The following EFCAB5 variants were observed in gnomAD, a reference collection of about 807,000 sequenced individuals.
EFCAB5 encodes EF-hand calcium binding domain 5.
Under a neutral mutation model 167.9 loss-of-function variants are expected in EFCAB5, and 131 were observed. The ratio of observed to expected loss-of-function variants is 0.78; its 90% confidence interval spans 0.68 to 0.90. The LOEUF (loss-of-function observed/expected upper bound fraction) is 0.90. EFCAB5 is among the 40% of genes least tolerant of loss of function. The pLI, the probability that EFCAB5 is intolerant of heterozygous loss-of-function variation, is 0.00. For missense variants in EFCAB5, 1,663 were observed against 1,745.2 expected, an observed-to-expected ratio of 0.95 and a Z score of 0.84; for synonymous variants, 574 against 602.8, an observed-to-expected ratio of 0.95 and a Z score of 0.70.
At chr17:29,975,767 G>C (rs1214448915) in intron 4 of EFCAB5, among the ~76,000 whole-genome samples, 1 of 152,108 alleles carries the variant, frequency 6.6e-6, no homozygotes, top group Non-Finnish European at 1.5e-5. Context: ...CTAAGATCAT[G>C]GTTGTCTATC....
intron 3 of EFCAB5, among the ~76,000 whole-genome samples, chr17:29,952,266 C>A (rs909571642): frequency 6.6e-6 from 1 of 152,200 alleles, no homozygotes; most frequent in Non-Finnish European, 1.5e-5. Context: ...GAAGGCAAAG[C>A]CCTCATGACT....
At chr17:30,061,322 G>C (rs1372522768) in intron 14 of EFCAB5, among the ~76,000 whole-genome samples, 1 of 152,158 alleles carries the variant, frequency 6.6e-6, no homozygotes, top group Non-Finnish European at 1.5e-5. Flanking sequence ...GCAGATTTAT[G>C]CTCTTTAAAA....
chr17:29,941,914 A>G, intron 1 of EFCAB5, 76 bp downstream of exon 1: 3 of 1,328,100 alleles, frequency 2.3e-6, no homozygotes, highest in East Asian at 2.5e-5. Context: ...TTGAGATGCA[A>G]TATCACAGTC....
chr17:30,063,410 A>G (rs760221009), intron 14 of EFCAB5, among the ~76,000 whole-genome samples: 7 of 152,114 alleles, frequency 4.6e-5, no homozygotes, highest in Non-Finnish European at 7.4e-5. Context: ...TATTGCAACC[A>G]TATCGTCCTC....
chr17:29,941,617 T>A (rs1384904010), upstream of EFCAB5: 1 of 532,826 alleles, frequency 1.9e-6, no homozygotes, highest in Non-Finnish European at 3.3e-6. Flanking sequence ...TTGGAAAAGT[T>A]CAGCAGTTGA....
intron 1 of EFCAB5, among the ~76,000 whole-genome samples, chr17:29,932,876 A>G (rs1416230830): frequency 1.3e-5 from 2 of 152,136 alleles, no homozygotes; most frequent in Non-Finnish European, 2.9e-5. Flanking sequence ...ATCAAAATTG[A>G]ATTATGGGAT....
At chr17:29,944,214 T>C (rs1003820831) in intron 3 of EFCAB5, among the ~76,000 whole-genome samples, 1 of 152,062 alleles carries the variant, frequency 6.6e-6, no homozygotes, top group Non-Finnish European at 1.5e-5. Context: ...TTGCTGGGAC[T>C]ATGGGCACAC....
intron 14 of EFCAB5, among the ~76,000 whole-genome samples, chr17:30,068,341 C>T (rs975275136): frequency 6.6e-6 from 1 of 151,824 alleles, no homozygotes; most frequent in African/African-American, 2.4e-5. Context: ...TTTCTATACA[C>T]TAGCAATTAA....
intron 21 of EFCAB5, 108 bp downstream of exon 21, chr17:30,092,265 T>G: frequency 1.7e-6 from 2 of 1,180,504 alleles, no homozygotes; most frequent in Admixed American, 5.5e-5. Flanking sequence ...GCAAGAATTT[T>G]TACTGAGTGG....
chr17:30,025,699 G>T (rs1380711210), intron 7 of EFCAB5, among the ~76,000 whole-genome samples: 2 of 152,054 alleles, frequency 1.3e-5, no homozygotes, highest in Non-Finnish European at 2.9e-5. Context: ...AAATCATGCT[G>T]CTATAAAGAC....
In EFCAB5 at chr17:30,091,861, G is replaced by C; in HGVS notation, c.3938-10G>C. 1 of 1,612,336 alleles carries C rather than the reference G, an allele frequency of 6.2e-7. No individual in the cohort carries two copies. Among genetic ancestry groups the C allele is most frequent in the East Asian group, 2.2e-5 (1 of 44,862 alleles). ...GAACAGCAATGTGAGCTATCATTTTGTTATTCCAGAGATTGAAAATGTCAG... is the reference window on the plus strand; with the variant it reads ...GAACAGCAATGTGAGCTATCATTTTCTTATTCCAGAGATTGAAAATGTCAG... On this transcript the variant is annotated splice_polypyrimidine_tract_variant and intron_variant, in intron 20 of 22. Coordinates refer to ENST00000394835, the MANE Select transcript of EFCAB5 (RefSeq NM_198529.4).
At chr17:30,068,635 G>T in intron 14 of EFCAB5, 2 of 1,513,200 alleles carry the variant, frequency 1.3e-6, no homozygotes, top group South Asian at 1.3e-5. Flanking sequence ...CGCTAGGGCG[G>T]TGGACATCAC....
intron 4 of EFCAB5, among the ~76,000 whole-genome samples, chr17:29,984,047 T>C (rs747045644): frequency 1.6e-4 from 25 of 152,100 alleles, no homozygotes; most frequent in Non-Finnish European, 3.2e-4. Flanking sequence ...TGTTCTGCCA[T>C]TGGACCCTAA....
At chr17:29,972,341 G>T (rs1055883727) in intron 4 of EFCAB5, among the ~76,000 whole-genome samples, 2 of 151,754 alleles carry the variant, frequency 1.3e-5, no homozygotes, top group Non-Finnish European at 2.9e-5. Context: ...GAGTCACCGC[G>T]CCCGGCCCAG....
At chr17:30,018,706 A>C (rs1314689671) in intron 7 of EFCAB5, among the ~76,000 whole-genome samples, 2 of 152,150 alleles carry the variant, frequency 1.3e-5, no homozygotes, top group African/African-American at 2.4e-5. Flanking sequence ...TTGGCTGCTT[A>C]CACCTAAACT....
Position 30,107,978 on chromosome 17 carries a change from A to G in EFCAB5, c.4466A>G (p.Asn1489Ser). 7 of 1,607,722 alleles carry G rather than the reference A, an allele frequency of 4.4e-6. No homozygotes were observed. The highest frequency in any genetic ancestry group is 5.9e-6 in the Non-Finnish European group (7 of 1,178,394). ...ITPPLPSKTDNYMYAKMPGEG... is the reference protein window; with the variant it reads ...ITPPLPSKTDSYMYAKMPGEG... ...CCTCCGTTGCCCTCCAAGACTGACA[A>G]TTATATGTATGCAAAAATGCCAGGG... The change falls in exon 23 of 23, where the codon AAT becomes AGT. Residue 1489 changes from asparagine (N) to serine (S), a missense_variant. Asn to Ser is a conservative substitution (Grantham distance 46, BLOSUM62 1). Transcript: ENST00000394835.
At chr17:29,974,670 A>G (rs1442348444) in intron 4 of EFCAB5, among the ~76,000 whole-genome samples, 1 of 152,230 alleles carries the variant, frequency 6.6e-6, no homozygotes, top group Non-Finnish European at 1.5e-5. Context: ...ATGACTCAAG[A>G]TCATGAAAAT....
intron 16 of EFCAB5, among the ~76,000 whole-genome samples, chr17:30,080,487 G>A (rs1246270996): frequency 1.3e-5 from 2 of 151,944 alleles, no homozygotes; most frequent in African/African-American, 4.8e-5. Context: ...ATTTCTGCCT[G>A]CTCCATAAGT....
chr17:30,035,036 C>T (rs778650976), intron 8 of EFCAB5, among the ~76,000 whole-genome samples: 2 of 152,060 alleles, frequency 1.3e-5, no homozygotes, highest in Non-Finnish European at 2.9e-5. Context: ...TGTAGGCAAA[C>T]GATGCCACAC....
Sources: allele counts gnomAD v4.1 joint callset (sites outside exome capture counted in the v4.1 genomes callset), GRCh38; gene constraint gnomAD v4.1.1; transcripts MANE v1.5; gene names NCBI Gene and HGNC (gene_info 2026-07-23, HGNC 2026-07-21).